The following PPP2R5D variants were observed in gnomAD, a reference collection of about 807,000 sequenced individuals.
PPP2R5D encodes protein phosphatase 2 regulatory subunit B'delta.
A neutral mutation model predicts 79.1 loss-of-function variants in PPP2R5D; 12 were observed. The ratio of observed to expected loss-of-function variants is 0.15; its 90% CI spans 0.10 to 0.25. The LOEUF is 0.25. Ranked by LOEUF, PPP2R5D falls within the 10% of genes least tolerant of loss-of-function variation. The pLI is 1.00. For synonymous variants in PPP2R5D, 277 were observed against 286.6 expected (o/e 0.97, Z 0.34); for missense variants, 419 against 760.2 (o/e 0.55, Z 5.28).
In PPP2R5D at chr6:43,007,745, G is replaced by T. The variant is rs1245808109; in HGVS notation, c.727-190G>T. Among the ~76,000 whole-genome samples the T allele has an allele frequency of 6.6e-6, 1 of 152,194 alleles. No individual in the cohort carries two copies. The highest frequency in any genetic ancestry group is 6.5e-5 in the Admixed American group (1 of 15,272). On this transcript the variant is annotated intron_variant, in intron 6 of 15. Coordinates refer to ENST00000485511, the MANE Select transcript of PPP2R5D (RefSeq NM_006245.4). The surrounding 1 kb of genome is among the most constrained non-coding windows in gnomAD (Gnocchi z 4.5). Reference sequence around the variant, plus strand: ...AGTACCTCTCTCAGGTCAATAGTGAGGCATCACTTTGGAAGTCTCAGTACA... The same window carrying T: ...AGTACCTCTCTCAGGTCAATAGTGATGCATCACTTTGGAAGTCTCAGTACA...
intron 2 of PPP2R5D, among the ~76,000 whole-genome samples, chr6:42,995,442 A>G (rs763608844): frequency 2.6e-5 from 4 of 151,934 alleles, no homozygotes; most frequent in African/African-American, 7.3e-5. Flanking sequence ...CCAACTTCCT[A>G]TCTTCTGATA....
intron 2 of PPP2R5D, among the ~76,000 whole-genome samples, chr6:42,997,078 C>G (rs1257093635): frequency 6.6e-6 from 1 of 152,162 alleles, no homozygotes; most frequent in Non-Finnish European, 1.5e-5. Context: ...TCACTGCAAC[C>G]TCTGCCTCCC....
chr6:43,006,087 CAT>C lies in PPP2R5D; in HGVS notation c.106-375_106-374del, dbSNP rs1176844578. Among the ~76,000 whole-genome samples, 1 of 152,188 alleles carries C rather than the reference CAT, an allele frequency of 6.6e-6. No homozygotes were observed. The highest frequency in any genetic ancestry group is 1.5e-5 in the Non-Finnish European group (1 of 68,020). ...GCTCCTCATGTCTCTTCTTATTCCTCATGTGTCTTCTTATTCATCATGTGTCT... is the reference window on the plus strand; with the variant it reads ...GCTCCTCATGTCTCTTCTTATTCCTCGTGTCTTCTTATTCATCATGTGTCT... On this transcript the variant is annotated intron_variant, in intron 2 of 15. Coordinates refer to ENST00000485511, the MANE Select transcript of PPP2R5D (RefSeq NM_006245.4). This position sits in a 1 kb window ranked among gnomAD's most constrained non-coding sequence, Gnocchi z 4.7.
At chr6:42,993,431 A>AT (rs1362984583) in intron 2 of PPP2R5D, among the ~76,000 whole-genome samples, 2 of 152,220 alleles carry the variant, frequency 1.3e-5, no homozygotes, top group Non-Finnish European at 2.9e-5. Flanking sequence ...AGATCGTGCC[A>AT]TTGCACTCCA....
intron 2 of PPP2R5D, among the ~76,000 whole-genome samples, chr6:43,000,977 C>CT (rs1463454228): frequency 6.6e-6 from 1 of 152,094 alleles, no homozygotes; most frequent in Non-Finnish European, 1.5e-5. Flanking sequence ...CATGAAGAGA[C>CT]TAAGAGGTGT....
rs746980244 is a variant in PPP2R5D at position 43,008,296 on chromosome 6, A to C, written c.917+36A>C. ...GGGTGGGGGCACAGATGCCTGAAAA[A>C]GGTTGGCAGGATTGGTGTACTGAAC... On this transcript the variant is annotated intron_variant, in intron 8 of 15. Transcript: ENST00000485511. This position sits in a 1 kb window ranked among gnomAD's most constrained non-coding sequence, Gnocchi z 4.2. 13 of 1,613,844 alleles carry C rather than the reference A, an allele frequency of 8.1e-6. No individual in the cohort carries two copies. The highest frequency in any genetic ancestry group is 1.6e-4 in the Middle Eastern group (1 of 6,062).
At position 43,008,819 on chromosome 6, in the gene PPP2R5D, G is replaced by T. The variant is rs1398844735; in HGVS notation, c.1080+73G>T. 1.9e-5 allele frequency: 29 copies of T among 1,518,614 alleles called. No homozygotes were observed. The highest frequency in any genetic ancestry group is 2.5e-5 in the Non-Finnish European group (28 of 1,102,042). 94.1% of individuals were successfully genotyped at this position (1,518,614 alleles called of 1,614,324 possible). On this transcript the variant is annotated intron_variant, in intron 10 of 15. Coordinates refer to ENST00000485511, the MANE Select transcript of PPP2R5D (RefSeq NM_006245.4). This position sits in a 1 kb window ranked among gnomAD's most constrained non-coding sequence, Gnocchi z 4.2. ...ACTTGCCAGTCTGTACCTACTGGGGGTGCCATAAGGGGGAACTCAGGAGGG... is the reference window on the plus strand; with the variant it reads ...ACTTGCCAGTCTGTACCTACTGGGGTTGCCATAAGGGGGAACTCAGGAGGG...
rs1298421328 is a variant in PPP2R5D at position 43,006,075 on chromosome 6, CTTCTT to C, written c.106-387_106-383del. ...ATTACTCAGAAGGCTCCTCATGTCT[CTTCTT>C]ATTCCTCATGTGTCTTCTTATTCAT... On this transcript the variant is annotated intron_variant, in intron 2 of 15. Coordinates refer to ENST00000485511, the MANE Select transcript of PPP2R5D (RefSeq NM_006245.4). The surrounding 1 kb of genome is among the most constrained non-coding windows in gnomAD (Gnocchi z 4.7). Among the ~76,000 whole-genome samples the C allele has an allele frequency of 6.6e-6, 1 of 152,184 alleles. No homozygotes were observed. The highest frequency in any genetic ancestry group is 1.5e-5 in the Non-Finnish European group (1 of 68,038).
intron 2 of PPP2R5D, among the ~76,000 whole-genome samples, chr6:42,998,891 C>T (rs1186828421): frequency 6.6e-6 from 1 of 152,096 alleles, no homozygotes; most frequent in Non-Finnish European, 1.5e-5. Flanking sequence ...AAAAATTAGC[C>T]AGGCCTAGTG....
chr6:43,004,992 A>C (rs1158715383), intron 2 of PPP2R5D, among the ~76,000 whole-genome samples: 6 of 151,674 alleles, frequency 4.0e-5, no homozygotes, highest in Non-Finnish European at 5.9e-5. Context: ...CAAGTGATAC[A>C]CCCACCTTGG....
chr6:42,993,284 C>T (rs959501570), intron 2 of PPP2R5D, among the ~76,000 whole-genome samples: 5 of 144,822 alleles, frequency 3.5e-5, no homozygotes, highest in East Asian at 4.0e-4. Context: ...GCAACAAGAG[C>T]GAAACTCCGT....
chr6:43,007,643 A>AAAAAC lies in PPP2R5D; in HGVS notation c.726+153_726+157dup, dbSNP rs1206202430. On this transcript the variant is annotated intron_variant, in intron 6 of 15. Transcript: ENST00000485511. This position sits in a 1 kb window ranked among gnomAD's most constrained non-coding sequence, Gnocchi z 4.5. ...TGGTACGAGGAGGCTATAAAGGGTA[A>AAAAAC]AAAACAAAACAAAACAAAACCCTAC... The AAAAAC allele has an allele frequency of 8.3e-6, 8 of 966,338 alleles. No individual in the cohort carries two copies. The highest frequency in any genetic ancestry group is 2.5e-5 in the Admixed American group (1 of 40,106). The allele number at this position is 966,338 out of a possible 1,614,324, so 59.9% of individuals were successfully genotyped here. A position where few individuals can be genotyped will look rare whatever the true frequency, so the allele number is the denominator to read the frequency against.
Position 43,008,057 on chromosome 6 carries a change from C to T in PPP2R5D, c.849C>T (p.Ile283=), listed in dbSNP as rs913774986. 3 of 1,614,226 alleles carry T rather than the reference C, an allele frequency of 1.9e-6. No individual in the cohort carries two copies. The highest frequency in any genetic ancestry group is 2.5e-6 in the Non-Finnish European group (3 of 1,180,040). The part of the protein sequence containing the change: ...RAYIRRQINH[I]FYRFIYETEH... ...ATATCCGTAGGCAGATCAACCACATCTTCTACAGGTGAGGCCAGGAGCCCA... is the reference window on the plus strand; with the variant it reads ...ATATCCGTAGGCAGATCAACCACATTTTCTACAGGTGAGGCCAGGAGCCCA... The change falls in exon 7 of 16, where the codon ATC becomes ATT. Residue 283 remains isoleucine, a synonymous_variant. Coordinates refer to ENST00000485511, the MANE Select transcript of PPP2R5D (RefSeq NM_006245.4). This position sits in a 1 kb window ranked among gnomAD's most constrained non-coding sequence, Gnocchi z 4.2.
intron 2 of PPP2R5D, among the ~76,000 whole-genome samples, chr6:43,000,887 G>A (rs2150268974): frequency 6.6e-6 from 1 of 152,330 alleles, no homozygotes; most frequent in South Asian, 2.1e-4. Context: ...CCTATTAGGT[G>A]TTAGTGCTGG....
At chr6:42,988,873 C>G (rs961607987) in intron 1 of PPP2R5D, among the ~76,000 whole-genome samples, 2 of 152,232 alleles carry the variant, frequency 1.3e-5, no homozygotes, top group African/African-American at 4.8e-5. Flanking sequence ...TATCCTGTCC[C>G]TGTGCAGTTG....
At chr6:43,001,441 G>A (rs1327513434) in intron 2 of PPP2R5D, among the ~76,000 whole-genome samples, 1 of 152,126 alleles carries the variant, frequency 6.6e-6, no homozygotes, top group Non-Finnish European at 1.5e-5. Flanking sequence ...GCCCGGCCAG[G>A]ATCCCCCATT....
At chr6:42,995,583 C>T (rs1771599538) in intron 2 of PPP2R5D, among the ~76,000 whole-genome samples, 2 of 151,046 alleles carry the variant, frequency 1.3e-5, no homozygotes, top group African/African-American at 4.9e-5. Flanking sequence ...GACGGAGTCT[C>T]GCTCTGTCGC....
At chr6:42,989,454 G>A (rs535355478) in intron 1 of PPP2R5D, among the ~76,000 whole-genome samples, 157 bp from the exon 2 acceptor site, 23 of 152,258 alleles carry the variant, frequency 1.5e-4, no homozygotes, top group African/African-American at 4.8e-4. Flanking sequence ...CTCCTTCTGC[G>A]TAGATCCCTC....
Position 43,009,003 on chromosome 6 carries a change from G to A in PPP2R5D, c.1081-54G>A. 6.3e-7 allele frequency: 1 copy of A among 1,579,850 alleles called. No individual in the cohort carries two copies. The highest frequency in any genetic ancestry group is 1.8e-4 in the Middle Eastern group (1 of 5,516). On this transcript the variant is annotated intron_variant, in intron 10 of 15. Coordinates refer to ENST00000485511, the MANE Select transcript of PPP2R5D (RefSeq NM_006245.4). This position sits in a 1 kb window ranked among gnomAD's most constrained non-coding sequence, Gnocchi z 5.6. ...AGAGAGCAGGTAGGAAAACTTCCTG[G>A]TGACCTAGGCAGGTGCAAAGAATTT...
Sources: allele counts gnomAD v4.1 joint callset (sites outside exome capture counted in the v4.1 genomes callset), GRCh38; gene constraint gnomAD v4.1.1; non-coding constraint Gnocchi (gnomAD v3.1); transcripts MANE v1.5; gene names NCBI Gene and HGNC (gene_info 2026-07-23, HGNC 2026-07-21).